The following PPP1R9A variants were observed in gnomAD, a reference collection of about 807,000 sequenced individuals.
The protein encoded by PPP1R9A is neurabin-1.
A neutral mutation model predicts 141.9 loss-of-function variants in PPP1R9A; 59 were observed. That is an observed-to-expected ratio of 0.42 (90% CI 0.34 to 0.52). The LOEUF is 0.52. Among genes scored for constraint, PPP1R9A ranks in the 20% least tolerant of loss-of-function variants. The probability of loss-of-function intolerance (pLI) is 0.10; values close to 1 mark genes in which losing one functional copy is unlikely to be tolerated. For synonymous variants in PPP1R9A, 500 were observed against 569.7 expected (o/e 0.88, Z 1.74); for missense variants, 1,444 against 1,611.9 (o/e 0.90, Z 1.78).
chr7:95,244,532 G>C (rs1303229436), intron 8 of PPP1R9A, among the ~76,000 whole-genome samples: 1 of 152,140 alleles, frequency 6.6e-6, no homozygotes, highest in African/African-American at 2.4e-5. Flanking sequence ...AGAAGACACA[G>C]TGATCTGAGA....
intron 14 of PPP1R9A, among the ~76,000 whole-genome samples, chr7:95,270,793 A>G (rs1007648571): frequency 1.3e-5 from 2 of 152,210 alleles, no homozygotes; most frequent in African/African-American, 4.8e-5. Flanking sequence ...GTGGTTAATA[A>G]CACATTATTT....
chr7:95,286,082 C>T, intron 17 of PPP1R9A, 124 bp from the exon 18 acceptor site: 2 of 1,448,934 alleles, frequency 1.4e-6, no homozygotes, highest in Non-Finnish European at 9.2e-7. Context: ...TGAAGGTCAT[C>T]ACCAAATCAT....
intron 8 of PPP1R9A, among the ~76,000 whole-genome samples, chr7:95,229,597 C>G (rs775729006): frequency 6.6e-5 from 10 of 152,100 alleles, no homozygotes; most frequent in Non-Finnish European, 1.3e-4. Flanking sequence ...CCTCCTCCCC[C>G]ACAGCAGCCA....
At chr7:95,012,171 A>G (rs1804516936) in intron 2 of PPP1R9A, among the ~76,000 whole-genome samples, 1 of 152,120 alleles carries the variant, frequency 6.6e-6, no homozygotes. Flanking sequence ...AAGAGGTTTA[A>G]TTGGCTCATG....
intron 2 of PPP1R9A, among the ~76,000 whole-genome samples, chr7:95,071,806 T>G (rs1813854462): frequency 6.6e-6 from 1 of 151,978 alleles, no homozygotes; most frequent in South Asian, 2.1e-4. Flanking sequence ...AAACTTTTTT[T>G]GTAGCCCCAC....
intron 4 of PPP1R9A, among the ~76,000 whole-genome samples, chr7:95,159,734 CA>C (rs961680648): frequency 2.6e-5 from 4 of 151,740 alleles, no homozygotes; most frequent in Non-Finnish European, 4.4e-5. Flanking sequence ...CCAGCCTGAC[CA>C]ACATGATGAA....
At chr7:95,231,823 A>T (rs1006765571) in intron 8 of PPP1R9A, among the ~76,000 whole-genome samples, 3 of 152,198 alleles carry the variant, frequency 2.0e-5, no homozygotes, top group East Asian at 3.8e-4. Flanking sequence ...CTAAGGTCCC[A>T]CTTCACAGAA....
chr7:94,981,467 T>G (rs1800101813), intron 2 of PPP1R9A, among the ~76,000 whole-genome samples: 1 of 152,172 alleles, frequency 6.6e-6, no homozygotes, highest in Non-Finnish European at 1.5e-5. Context: ...CTCAAACTCC[T>G]GACCTCTGAT....
chr7:95,122,339 G>C (rs1009817000), intron 4 of PPP1R9A, among the ~76,000 whole-genome samples: 1 of 152,052 alleles, frequency 6.6e-6, no homozygotes, highest in African/African-American at 2.4e-5. Context: ...TAGAGACGGG[G>C]TTTCACCATG....
At chr7:94,980,703 TA>T (rs1800004884) in intron 2 of PPP1R9A, among the ~76,000 whole-genome samples, 6 of 152,128 alleles carry the variant, frequency 3.9e-5, no homozygotes, top group Admixed American at 3.9e-4. Flanking sequence ...TGGCCTACCT[TA>T]TCTCTGAGGT....
chr7:95,240,131 C>T (rs1797242797), intron 8 of PPP1R9A, among the ~76,000 whole-genome samples: 1 of 151,932 alleles, frequency 6.6e-6, no homozygotes, highest in African/African-American at 2.4e-5. Flanking sequence ...ATGAGCTTCC[C>T]ATACTGAGAA....
Position 95,178,216 on chromosome 7 carries a change from C to A in PPP1R9A, c.1754+16245C>A, listed in dbSNP as rs148271284. 5.5e-3 allele frequency among the ~76,000 whole-genome samples: 835 copies of A among 152,166 alleles called. 7 individuals are homozygous for A. The highest frequency in any genetic ancestry group is 0.019 in the African/African-American group (789 of 41,524). On this transcript the variant is annotated intron_variant, in intron 5 of 19. Transcript: ENST00000433360. The stretch of plus-strand genomic sequence containing the variant: ...ACCACAGTGTAATAAAGCTGGAAAT[C>A]AACTCCAATATAAACCTTCAAAACC...
intron 12 of PPP1R9A, among the ~76,000 whole-genome samples, chr7:95,256,191 CA>C (rs369030873): frequency 1.6e-3 from 212 of 135,228 alleles, no homozygotes; most frequent in Middle Eastern, 3.8e-3. Flanking sequence ...GATCCTGTCT[CA>C]AAAAAAAAAA....
chr7:95,228,229 C>T (rs749729725), intron 8 of PPP1R9A, among the ~76,000 whole-genome samples: 39 of 152,204 alleles, frequency 2.6e-4, no homozygotes, highest in Non-Finnish European at 4.7e-4. Context: ...TACTTTGGGC[C>T]TGTTTTGTAT....
At chr7:95,240,722 T>G (rs941025989) in intron 8 of PPP1R9A, among the ~76,000 whole-genome samples, 1 of 152,146 alleles carries the variant, frequency 6.6e-6, no homozygotes, top group African/African-American at 2.4e-5. Context: ...TTTAGTCTTC[T>G]TACTCTTCAT....
intron 2 of PPP1R9A, among the ~76,000 whole-genome samples, chr7:94,913,035 A>T (rs1791644984): frequency 2.0e-5 from 3 of 152,188 alleles, no homozygotes; most frequent in Non-Finnish European, 4.4e-5. Context: ...AGAAAGCAAT[A>T]AGATTAAATC....
chr7:95,140,410 T>G (rs951490784), intron 4 of PPP1R9A, among the ~76,000 whole-genome samples: 1 of 152,202 alleles, frequency 6.6e-6, no homozygotes, highest in African/African-American at 2.4e-5. Flanking sequence ...TTTATTTTTT[T>G]GACAGAGTCC....
intron 2 of PPP1R9A, among the ~76,000 whole-genome samples, chr7:94,982,281 A>T (rs1415253564): frequency 6.6e-6 from 1 of 152,162 alleles, no homozygotes; most frequent in Non-Finnish European, 1.5e-5. Flanking sequence ...GCCACAGTAA[A>T]CATAGGTGTG....
chr7:95,008,770 C>G (rs1041175340), intron 2 of PPP1R9A, among the ~76,000 whole-genome samples: 2 of 152,070 alleles, frequency 1.3e-5, no homozygotes, highest in African/African-American at 4.8e-5. Flanking sequence ...ACACCTACCC[C>G]ATTGAAGAAT....
Sources: gnomAD v4.1 joint callset for allele counts (sites outside exome capture counted in the v4.1 genomes callset) on GRCh38, gnomAD v4.1.1 for gene constraint, MANE v1.5 for transcripts, NCBI Gene and HGNC (gene_info 2026-07-23, HGNC 2026-07-21) for gene names.